The following OR2L13 variants were observed in gnomAD, a reference collection of about 807,000 sequenced individuals.
OR2L13 encodes the protein olfactory receptor 2L13.
A neutral mutation model predicts 15.3 loss-of-function variants in OR2L13; 14 were observed. The observed-to-expected ratio is 0.91, with a 90% CI of 0.60 to 1.43. OR2L13 has a LOEUF of 1.43. Ranked by LOEUF, OR2L13 falls within the 40% of genes most tolerant of loss-of-function variation. The probability of loss-of-function intolerance (pLI) is 0.00; values close to 1 mark genes in which losing one functional copy is unlikely to be tolerated. For missense variants in OR2L13, 367 were observed against 387.9 expected (o/e 0.95, Z 0.45); for synonymous variants, 152 against 142.9 (o/e 1.06, Z -0.45).
chr1:248,016,726 G>A, the OR2L13 span, among the ~76,000 whole-genome samples: 6 of 151,602 alleles, frequency 4.0e-5, no homozygotes, highest in Non-Finnish European at 7.4e-5. Flanking sequence ...ATTTATATAT[G>A]TAACATATAT....
At chr1:248,026,769 TC>T in the OR2L13 span, among the ~76,000 whole-genome samples, 6,365 of 152,256 alleles carry the variant, frequency 0.042, 432 homozygotes, top group African/African-American at 0.14. Flanking sequence ...ACTTATCACT[TC>T]CCCAATCAAT....
chr1:247,952,224 G>A, the OR2L13 span, among the ~76,000 whole-genome samples: 33 of 152,286 alleles, frequency 2.2e-4, no homozygotes, highest in East Asian at 5.4e-3. Flanking sequence ...GCATATGCCC[G>A]TGAGGCCAGT....
chr1:248,059,484 A>G, the OR2L13 span, among the ~76,000 whole-genome samples: 1 of 152,212 alleles, frequency 6.6e-6, no homozygotes, highest in Non-Finnish European at 1.5e-5. Flanking sequence ...CCTATTTGGT[A>G]AGGCATCTGC....
the OR2L13 span, among the ~76,000 whole-genome samples, chr1:248,075,305 A>G: frequency 6.6e-6 from 1 of 151,678 alleles, no homozygotes; most frequent in Non-Finnish European, 1.5e-5. Flanking sequence ...TAGTGCCACA[A>G]TAAACATATG....
the OR2L13 span, among the ~76,000 whole-genome samples, chr1:248,010,839 G>A: frequency 5.0e-5 from 5 of 99,980 alleles, no homozygotes; most frequent in South Asian, 1.1e-3. Flanking sequence ...TTGAGTCTAT[G>A]TGTGTCTTTG....
the OR2L13 span, among the ~76,000 whole-genome samples, chr1:247,989,178 A>C: frequency 6.6e-6 from 1 of 152,188 alleles, no homozygotes. Flanking sequence ...TTTCATGAAA[A>C]AGGTACTTGA....
chr1:248,017,792 G>A, the OR2L13 span, among the ~76,000 whole-genome samples: 3 of 152,080 alleles, frequency 2.0e-5, no homozygotes, highest in African/African-American at 7.3e-5. Context: ...GATTTGCTTC[G>A]TGATTCCGTC....
At chr1:248,089,980 A>G in the OR2L13 span, among the ~76,000 whole-genome samples, 1 of 152,294 alleles carries the variant, frequency 6.6e-6, no homozygotes, top group East Asian at 1.9e-4. Context: ...GGTTAAACCC[A>G]TGTATAACCT....
At chr1:247,998,838 A>G in the OR2L13 span, among the ~76,000 whole-genome samples, 2 of 152,150 alleles carry the variant, frequency 1.3e-5, no homozygotes, top group Middle Eastern at 3.2e-3. Context: ...CTTTTGGTAC[A>G]TATGGTAAAG....
the OR2L13 span, among the ~76,000 whole-genome samples, chr1:248,007,154 T>C: frequency 1.3e-5 from 2 of 152,172 alleles, no homozygotes; most frequent in Non-Finnish European, 2.9e-5. Flanking sequence ...GGGGAAATCA[T>C]TCCATCTCTC....
chr1:247,978,747 C>G, the OR2L13 span, among the ~76,000 whole-genome samples: 1 of 151,966 alleles, frequency 6.6e-6, no homozygotes. Context: ...AAGCAGGGGT[C>G]TTTCAGGATC....
the OR2L13 span, chr1:248,038,667 C>T: frequency 1.5e-5 from 25 of 1,613,982 alleles, no homozygotes; most frequent in South Asian, 5.5e-5. Context: ...CTATCCCATC[C>T]GTATAAGCAA....
At chr1:248,000,980 GTTATTT>G in the OR2L13 span, among the ~76,000 whole-genome samples, 1 of 151,790 alleles carries the variant, frequency 6.6e-6, no homozygotes, top group African/African-American at 2.4e-5. Flanking sequence ...GTGAGCCACC[GTTATTT>G]CAGATTTACT....
the OR2L13 span, among the ~76,000 whole-genome samples, chr1:248,019,751 TCTC>T: frequency 1.3e-5 from 2 of 151,016 alleles, no homozygotes; most frequent in African/African-American, 4.9e-5. Context: ...TCCTTCTCCT[TCTC>T]CTTCTTCTTC....
chr1:247,956,921 T>C, the OR2L13 span, among the ~76,000 whole-genome samples: 35 of 152,282 alleles, frequency 2.3e-4, no homozygotes, highest in Non-Finnish European at 4.4e-4. Context: ...CTTTTCCCAG[T>C]TGAATCCCCT....
the OR2L13 span, among the ~76,000 whole-genome samples, chr1:247,959,571 C>G: frequency 1.2e-3 from 180 of 152,030 alleles, no homozygotes; most frequent in African/African-American, 4.0e-3. Flanking sequence ...TCGTCACTTT[C>G]AGGTACACCA....
the OR2L13 span, chr1:248,061,025 C>A: frequency 4.3e-6 from 7 of 1,613,966 alleles, no homozygotes; most frequent in Non-Finnish European, 5.1e-6. Flanking sequence ...CTACTTTTGG[C>A]ATCTATGGCC....
the OR2L13 span, chr1:247,975,727 A>G: frequency 3.8e-6 from 2 of 530,708 alleles, no homozygotes; most frequent in Non-Finnish European, 6.3e-6. Flanking sequence ...AGCAGTTACG[A>G]AAAATAATAT....
the OR2L13 span, among the ~76,000 whole-genome samples, chr1:247,993,760 GGGGAGAGAGAGAGAGAGAGAGAGA>G: frequency 9.3e-5 from 5 of 53,710 alleles, no homozygotes; most frequent in Admixed American, 4.1e-4. Flanking sequence ...ACAGAGAGAG[GGGGAGAGAGAGAGAGAGAGAGAGA>G]GAGAGAGAGA....
Sources: gnomAD v4.1 joint callset for allele counts (sites outside exome capture counted in the v4.1 genomes callset) on GRCh38, gnomAD v4.1.1 for gene constraint, MANE v1.5 for transcripts, NCBI Gene and HGNC (gene_info 2026-07-23, HGNC 2026-07-21) for gene names.